Variants in SNCAIP observed in about 807,000 individuals in gnomAD.
The protein encoded by SNCAIP is synphilin-1.
In SNCAIP, 43 loss-of-function variants were observed where a neutral mutation model predicts 86.7. The observed-to-expected ratio is 0.50, with a 90% CI of 0.39 to 0.64. SNCAIP has a LOEUF of 0.64. Ranked by LOEUF, SNCAIP falls within the 30% of genes least tolerant of loss-of-function variation. The pLI is 0.00. For synonymous variants in SNCAIP, 417 were observed against 427.2 expected (o/e 0.98, Z 0.29); for missense variants, 981 against 1,103.1 (o/e 0.89, Z 1.57).
intron 1 of SNCAIP, among the ~76,000 whole-genome samples, chr5:122,362,972 A>C (rs1374123583): frequency 1.3e-5 from 2 of 151,482 alleles, no homozygotes; most frequent in African/African-American, 2.4e-5. Context: ...TTGAGTTTCC[A>C]GGTCAGGTAT....
chr5:122,449,753 T>C (rs557673331), intron 8 of SNCAIP, 92 bp from the exon 9 acceptor site: 1 of 898,224 alleles, frequency 1.1e-6, no homozygotes, highest in East Asian at 2.4e-5. Context: ...TTATTGCAAC[T>C]TACTGGAAAT....
At chr5:122,314,968 G>A (rs137961996) in intron 1 of SNCAIP, among the ~76,000 whole-genome samples, 40 of 152,252 alleles carry the variant, frequency 2.6e-4, no homozygotes, top group Admixed American at 6.5e-4. Context: ...ACTAAACATC[G>A]AAGAACACAT....
intron 1 of SNCAIP, among the ~76,000 whole-genome samples, chr5:122,367,121 T>C (rs1763343700): frequency 6.6e-6 from 1 of 151,966 alleles, no homozygotes; most frequent in Admixed American, 6.6e-5. Context: ...AAGTTTGAGT[T>C]GGGAGCCTAA....
intron 1 of SNCAIP, among the ~76,000 whole-genome samples, chr5:122,328,939 A>G (rs77549261): frequency 0.018 from 2,782 of 152,152 alleles, 119 homozygotes; most frequent in East Asian, 0.13. Flanking sequence ...TCCTGTTTCC[A>G]TGCTTCTTAC....
intron 1 of SNCAIP, among the ~76,000 whole-genome samples, chr5:122,351,913 A>G (rs961504376): frequency 2.0e-5 from 3 of 152,156 alleles, no homozygotes; most frequent in Non-Finnish European, 4.4e-5. Context: ...GTTTTCCAAA[A>G]AAGCAGGATG....
chr5:122,338,254 G>A (rs1189586260), intron 1 of SNCAIP, among the ~76,000 whole-genome samples: 3 of 152,144 alleles, frequency 2.0e-5, no homozygotes, highest in Non-Finnish European at 2.9e-5. Context: ...TAGCATTTTA[G>A]TACTAAAAAC....
chr5:122,313,157 CGT>C (rs1402727704), intron 1 of SNCAIP, among the ~76,000 whole-genome samples: 4 of 152,312 alleles, frequency 2.6e-5, no homozygotes, highest in South Asian at 2.1e-4. Context: ...AGGGGGGAAA[CGT>C]GTTGTTTTTT....
At chr5:122,328,479 A>G (rs979372662) in intron 1 of SNCAIP, among the ~76,000 whole-genome samples, 9 of 152,174 alleles carry the variant, frequency 5.9e-5, no homozygotes, top group Admixed American at 1.3e-4. Flanking sequence ...AACCCTCTCA[A>G]TATTTTCCAA....
intron 3 of SNCAIP, among the ~76,000 whole-genome samples, chr5:122,409,221 T>C (rs1044893702): frequency 1.3e-5 from 2 of 152,224 alleles, no homozygotes; most frequent in Non-Finnish European, 2.9e-5. Context: ...TATGGTTTTC[T>C]CCAAATGAGG....
chr5:122,328,191 G>A (rs1232066497), intron 1 of SNCAIP, among the ~76,000 whole-genome samples: 1 of 152,168 alleles, frequency 6.6e-6, no homozygotes, highest in East Asian at 1.9e-4. Flanking sequence ...CAATGAATGT[G>A]ATTAATAAAT....
chr5:122,404,768 A>G (rs1772607735), intron 3 of SNCAIP, among the ~76,000 whole-genome samples: 1 of 152,166 alleles, frequency 6.6e-6, no homozygotes, highest in South Asian at 2.1e-4. Flanking sequence ...AGGCCTTTCT[A>G]ATGGAAAGGA....
chr5:122,316,007 A>G (rs1194165143), intron 1 of SNCAIP, among the ~76,000 whole-genome samples: 3 of 152,328 alleles, frequency 2.0e-5, no homozygotes, highest in South Asian at 4.1e-4. Context: ...GAAATAGAAA[A>G]ATCAATAAGG....
intron 1 of SNCAIP, among the ~76,000 whole-genome samples, chr5:122,333,515 C>T (rs1755803870): frequency 6.6e-6 from 1 of 152,172 alleles, no homozygotes; most frequent in African/African-American, 2.4e-5. Context: ...ATTCTTTAAA[C>T]CAGAGCTGAT....
chr5:122,373,188 A>G (rs1028893203), intron 1 of SNCAIP, among the ~76,000 whole-genome samples: 1 of 152,164 alleles, frequency 6.6e-6, no homozygotes, highest in Admixed American at 6.6e-5. Flanking sequence ...AGGAAATTGT[A>G]TTACAGTACT....
At chr5:122,337,657 G>A (rs928827160) in intron 1 of SNCAIP, among the ~76,000 whole-genome samples, 16 of 152,250 alleles carry the variant, frequency 1.1e-4, no homozygotes, top group African/African-American at 3.9e-4. Context: ...TCCTGCCTCA[G>A]CCTCCCAAGA....
intron 1 of SNCAIP, among the ~76,000 whole-genome samples, chr5:122,340,699 T>C (rs1452233553): frequency 6.6e-6 from 1 of 152,226 alleles, no homozygotes; most frequent in Non-Finnish European, 1.5e-5. Context: ...CTTTGTCCTA[T>C]GTGCATAAGT....
chr5:122,425,672 G>A, intron 5 of SNCAIP, 141 bp downstream of exon 5: 2 of 701,528 alleles, frequency 2.9e-6, no homozygotes, highest in Non-Finnish European at 4.9e-6. Context: ...GCATTTAAGA[G>A]AGTAATCATT....
At chr5:122,379,463 TATACAATC>T (rs1766159439) in intron 1 of SNCAIP, among the ~76,000 whole-genome samples, 1 of 123,480 alleles carries the variant, frequency 8.1e-6, no homozygotes, top group Non-Finnish European at 1.7e-5. Flanking sequence ...GTTTTCTAGA[TATACAATC>T]ATGTCGTCTG....
intron 1 of SNCAIP, among the ~76,000 whole-genome samples, chr5:122,388,026 C>T (rs925289362): frequency 6.6e-6 from 1 of 152,120 alleles, no homozygotes; most frequent in Non-Finnish European, 1.5e-5. Context: ...TTTGAAGGGT[C>T]GAACACTCAA....
Sources: gnomAD v4.1 joint callset for allele counts (sites outside exome capture counted in the v4.1 genomes callset) on GRCh38, gnomAD v4.1.1 for gene constraint, MANE v1.5 for transcripts, NCBI Gene and HGNC (gene_info 2026-07-23, HGNC 2026-07-21) for gene names.